CBFB: variants seen among roughly 807,000 people sequenced by gnomAD.
The protein encoded by CBFB is core-binding factor subunit beta, also known as CBF-beta.
Under a neutral mutation model 30.4 loss-of-function variants are expected in CBFB, and 9 were observed. The ratio of observed to expected loss-of-function variants is 0.30; its 90% CI spans 0.18 to 0.52. CBFB has a LOEUF of 0.52. Among genes scored for constraint, CBFB ranks in the 20% least tolerant of loss-of-function variants. The pLI is 0.97. For synonymous variants in CBFB, 94 were observed against 84.0 expected (o/e 1.12, Z -0.65); for missense variants, 170 against 244.0 (o/e 0.70, Z 2.02).
intron 3 of CBFB, among the ~76,000 whole-genome samples, chr16:67,038,298 A>G (rs1405839446): frequency 2.0e-5 from 3 of 151,508 alleles, no homozygotes; most frequent in Non-Finnish European, 4.4e-5. Context: ...ATATATATAT[A>G]CACGTATATA....
In CBFB at chr16:67,029,312, C is replaced by T. The variant is rs1227569846; in HGVS notation, c.-96C>T. The T allele has an allele frequency of 3.6e-6, 3 of 830,000 alleles. No homozygotes were observed. Among genetic ancestry groups the T allele is most frequent in the African/African-American group, 1.8e-5 (1 of 55,136 alleles). 51.4% of individuals were successfully genotyped at this position (830,000 alleles called of 1,614,324 possible). A position where few individuals can be genotyped will look rare whatever the true frequency, so the allele number is the denominator to read the frequency against. ...CAAAGGGAAGCGGGCGTCCGGGCGC[C>T]GCGGGTGGGCGGTCAGTCGGTCAGC... On this transcript the variant is annotated 5_prime_UTR_variant, in exon 1 of 6. Coordinates refer to ENST00000412916, the MANE Select transcript of CBFB (RefSeq NM_022845.3).
intron 5 of CBFB, among the ~76,000 whole-genome samples, chr16:67,096,466 CAT>C (rs141061396): frequency 5.6e-4 from 85 of 150,914 alleles, no homozygotes; most frequent in African/African-American, 1.5e-3. Context: ...AGAAAATATA[CAT>C]ATATATATAT....
At chr16:67,075,901 A>G (rs899316394) in intron 4 of CBFB, among the ~76,000 whole-genome samples, 1 of 152,050 alleles carries the variant, frequency 6.6e-6, no homozygotes. Flanking sequence ...GTTTCAGGCC[A>G]GGAGTTGAAG....
At chr16:67,084,165 C>CAAAAA (rs368748767) in intron 5 of CBFB, among the ~76,000 whole-genome samples, 16 of 54,322 alleles carry the variant, frequency 2.9e-4, no homozygotes, top group African/African-American at 7.4e-4. Flanking sequence ...GACCCTACCT[C>CAAAAA]AAAAAAAAAA....
At chr16:67,071,006 T>C (rs1379663300) in intron 4 of CBFB, among the ~76,000 whole-genome samples, 1 of 152,194 alleles carries the variant, frequency 6.6e-6, no homozygotes, top group African/African-American at 2.4e-5. Flanking sequence ...TTGTGATAGT[T>C]TACTACTATC....
In CBFB at chr16:67,029,351, G is replaced by C; in HGVS notation, c.-57G>C. 7.7e-7 allele frequency: 1 copy of C among 1,293,226 alleles called. No homozygotes were observed. Among genetic ancestry groups the C allele is most frequent in the Non-Finnish European group, 1.0e-6 (1 of 981,240 alleles). 80.1% of individuals were successfully genotyped at this position (1,293,226 alleles called of 1,614,324 possible). A position where few individuals can be genotyped will look rare whatever the true frequency, so the allele number is the denominator to read the frequency against. On this transcript the variant is annotated 5_prime_UTR_variant, in exon 1 of 6. Transcript: ENST00000412916. ...CAGTCGGTCAGCGCGGAGCCAGCCAGCGGGTGCCCGCGCAAGCCCCGAGCG... is the reference window on the plus strand; with the variant it reads ...CAGTCGGTCAGCGCGGAGCCAGCCACCGGGTGCCCGCGCAAGCCCCGAGCG...
chr16:67,071,763 A>G (rs113086720), intron 4 of CBFB, among the ~76,000 whole-genome samples: 5 of 152,334 alleles, frequency 3.3e-5, no homozygotes, highest in Admixed American at 1.3e-4. Flanking sequence ...CACAGTATCT[A>G]GCGTGCAGTA....
chr16:67,092,391 G>C (rs1007583306), intron 5 of CBFB, among the ~76,000 whole-genome samples: 2 of 152,166 alleles, frequency 1.3e-5, no homozygotes, highest in Non-Finnish European at 2.9e-5. Context: ...AGAACTAGCA[G>C]TGACTAAGGA....
At chr16:67,069,509 A>G (rs955115139) in intron 4 of CBFB, among the ~76,000 whole-genome samples, 1 of 152,240 alleles carries the variant, frequency 6.6e-6, no homozygotes, top group Admixed American at 6.5e-5. Context: ...CACACGTATT[A>G]ACATAAATGT....
At chr16:67,030,907 A>G (rs1283539328) in intron 2 of CBFB, among the ~76,000 whole-genome samples, 3 of 152,096 alleles carry the variant, frequency 2.0e-5, no homozygotes, top group Non-Finnish European at 4.4e-5. Flanking sequence ...TTATTTTTTA[A>G]AAAGTTGAAG....
chr16:67,053,008 CAAA>C (rs574234817), intron 3 of CBFB, among the ~76,000 whole-genome samples: 1 of 121,910 alleles, frequency 8.2e-6, no homozygotes, highest in Non-Finnish European at 1.7e-5. Flanking sequence ...GATGCTATCT[CAAA>C]AAAAAAAAAA....
At chr16:67,051,937 A>ACG (rs1462369472) in intron 3 of CBFB, among the ~76,000 whole-genome samples, 1 of 151,398 alleles carries the variant, frequency 6.6e-6, no homozygotes, top group Non-Finnish European at 1.5e-5. Flanking sequence ...ACACACACAC[A>ACG]CACACACGCA....
chr16:67,084,251 A>G (rs1342398487), intron 5 of CBFB, among the ~76,000 whole-genome samples: 1 of 151,884 alleles, frequency 6.6e-6, no homozygotes, highest in Non-Finnish European at 1.5e-5. Flanking sequence ...GTGTTGTCAA[A>G]TGTTACTGTA....
At chr16:67,049,635 C>G (rs1302129924) in intron 3 of CBFB, among the ~76,000 whole-genome samples, 1 of 152,060 alleles carries the variant, frequency 6.6e-6, no homozygotes, top group Non-Finnish European at 1.5e-5. Flanking sequence ...GCACATGCCA[C>G]CGCACCAGCT....
At chr16:67,081,435 A>G (rs1961551109) in intron 4 of CBFB, among the ~76,000 whole-genome samples, 2 of 151,940 alleles carry the variant, frequency 1.3e-5, no homozygotes, top group Non-Finnish European at 2.9e-5. Flanking sequence ...ACAATGATAG[A>G]CTGGATTAAG....
chr16:67,034,019 GGGGTTTCACTATATT>G (rs1317478692), intron 2 of CBFB, among the ~76,000 whole-genome samples: 3 of 151,750 alleles, frequency 2.0e-5, no homozygotes, highest in African/African-American at 7.3e-5. Flanking sequence ...TAGTAGAGGT[GGGGTTTCACTATATT>G]GGCCAGACTG....
chr16:67,048,400 C>G (rs1445576585), intron 3 of CBFB, among the ~76,000 whole-genome samples: 2 of 152,136 alleles, frequency 1.3e-5, no homozygotes, highest in African/African-American at 2.4e-5. Flanking sequence ...GAGAATTGAG[C>G]TTTTTGGTTC....
At chr16:67,096,891 A>G (rs925964083) in intron 5 of CBFB, among the ~76,000 whole-genome samples, 4 of 151,186 alleles carry the variant, frequency 2.6e-5, no homozygotes, top group African/African-American at 9.8e-5. Context: ...GCGGTGAGCC[A>G]AGATCGCGCC....
intron 3 of CBFB, among the ~76,000 whole-genome samples, chr16:67,059,435 G>GC (rs1295204686): frequency 2.0e-5 from 3 of 152,180 alleles, no homozygotes; most frequent in Admixed American, 6.5e-5. Context: ...GTTTTGCCTT[G>GC]CACACCCCTT....
Sources: allele counts gnomAD v4.1 joint callset (sites outside exome capture counted in the v4.1 genomes callset), GRCh38; gene constraint gnomAD v4.1.1; transcripts MANE v1.5; gene names NCBI Gene and HGNC (gene_info 2026-07-23, HGNC 2026-07-21).